Variants in ITGA9 observed in about 807,000 individuals in gnomAD.
ITGA9 encodes integrin subunit alpha 9.
ITGA9 carries 56 observed loss-of-function variants against 127.8 expected under a neutral mutation model. That is an observed-to-expected ratio of 0.44 (90% CI 0.35 to 0.55). ITGA9 has a LOEUF of 0.55. ITGA9 is among the 20% of genes least tolerant of loss of function. The pLI is 0.00. For synonymous variants in ITGA9, 508 were observed against 514.5 expected (o/e 0.99, Z 0.17); for missense variants, 1,196 against 1,347.1 (o/e 0.89, Z 1.76).
At chr3:37,536,925 C>T (rs1404958969) in intron 14 of ITGA9, among the ~76,000 whole-genome samples, 2 of 152,254 alleles carry the variant, frequency 1.3e-5, no homozygotes, top group Non-Finnish European at 2.9e-5. Flanking sequence ...CAGTGGATCT[C>T]AAAGTGTGGT....
At chr3:37,657,455 T>C (rs1394374107) in intron 17 of ITGA9, among the ~76,000 whole-genome samples, 1 of 152,222 alleles carries the variant, frequency 6.6e-6, no homozygotes, top group Admixed American at 6.5e-5. Context: ...CCATTTCTTC[T>C]AGATTTTCTA....
intron 22 of ITGA9, chr3:37,749,504 A>G (rs558102654): frequency 8.6e-5 from 13 of 150,360 alleles, no homozygotes; most frequent in Non-Finnish European, 1.8e-4. Flanking sequence ...GGCAACCGCT[A>G]ATCTACTTTC....
chr3:37,580,423 C>T (rs1360940905), intron 15 of ITGA9, among the ~76,000 whole-genome samples: 6 of 152,178 alleles, frequency 3.9e-5, no homozygotes, highest in Non-Finnish European at 5.9e-5. Flanking sequence ...GTGAGCCTTA[C>T]TATGTGACTG....
chr3:37,684,031 C>T lies in ITGA9; in HGVS notation c.2067+16C>T, dbSNP rs774927213. On this transcript the variant is annotated intron_variant, in intron 18 of 27. Transcript: ENST00000264741. Reference sequence around the variant, plus strand: ...GTGGCAGAAGGTAAGGAGGGCATCCCTGTAAAAAGAGCAGTTGTTCCATCT... The same window carrying T: ...GTGGCAGAAGGTAAGGAGGGCATCCTTGTAAAAAGAGCAGTTGTTCCATCT... 6.2e-7 allele frequency: 1 copy of T among 1,610,500 alleles called. No homozygotes were observed. The highest frequency in any genetic ancestry group is 8.5e-7 in the Non-Finnish European group (1 of 1,177,716).
At chr3:37,649,256 C>A (rs7620983) in intron 16 of ITGA9, among the ~76,000 whole-genome samples, 8,810 of 151,766 alleles carry the variant, frequency 0.058, 781 homozygotes, top group African/African-American at 0.19. Context: ...AAAAGACTAA[C>A]CTTCCCAATA....
intron 18 of ITGA9, among the ~76,000 whole-genome samples, chr3:37,723,584 A>C (rs1477769959): frequency 6.6e-6 from 1 of 152,022 alleles, no homozygotes; most frequent in Non-Finnish European, 1.5e-5. Flanking sequence ...CTGGTCACAA[A>C]CTCCTGGCCC....
intron 23 of ITGA9, among the ~76,000 whole-genome samples, chr3:37,767,247 A>G (rs970160388): frequency 2.6e-5 from 4 of 152,158 alleles, no homozygotes; most frequent in African/African-American, 9.7e-5. Context: ...ATTATACTCA[A>G]CCTTTCCTCT....
At chr3:37,477,941 A>AT (rs1319635494) in intron 3 of ITGA9, among the ~76,000 whole-genome samples, 1 of 150,804 alleles carries the variant, frequency 6.6e-6, no homozygotes, top group Non-Finnish European at 1.5e-5. Flanking sequence ...CACAGGGTAC[A>AT]TTTTTGCATT....
rs534504870 is a variant in ITGA9, at chr3:37,659,072, G to A, written c.1916+5282G>A. On this transcript the variant is annotated intron_variant, in intron 17 of 27. Coordinates refer to ENST00000264741, the MANE Select transcript of ITGA9 (RefSeq NM_002207.3). ...CTGTTAGTCTGATGGGCTTCCCTTT[G>A]TGGGTAACCCAACCTTTCTCTCTGG... Among the ~76,000 whole-genome samples the A allele has an allele frequency of 1.2e-3, 181 of 152,306 alleles. 1 individual carries two copies. Among genetic ancestry groups the A allele is most frequent in the South Asian group, 3.3e-3 (16 of 4,824 alleles).
At chr3:37,658,900 G>A (rs1480547946) in intron 17 of ITGA9, among the ~76,000 whole-genome samples, 1 of 152,146 alleles carries the variant, frequency 6.6e-6, no homozygotes. Flanking sequence ...AAATCTCAGA[G>A]CATTTGCTTC....
intron 1 of ITGA9, among the ~76,000 whole-genome samples, chr3:37,459,007 G>A (rs1698288996): frequency 6.6e-6 from 1 of 152,090 alleles, no homozygotes; most frequent in Admixed American, 6.5e-5. Flanking sequence ...TTGCCAGAAG[G>A]AGTCCTAGGA....
chr3:37,636,574 C>T (rs1477407361), intron 16 of ITGA9, among the ~76,000 whole-genome samples: 1 of 152,094 alleles, frequency 6.6e-6, no homozygotes, highest in Admixed American at 6.6e-5. Flanking sequence ...TTCTCCCATT[C>T]TGTAGGTTGC....
chr3:37,636,094 A>G (rs200407476), intron 16 of ITGA9, among the ~76,000 whole-genome samples: 27,128 of 151,424 alleles, frequency 0.18, 2,642 homozygotes, highest in East Asian at 0.23. Flanking sequence ...ATAAACATAC[A>G]TGTGCGTGTG....
chr3:37,757,290 A>G (rs1696664278), intron 23 of ITGA9, among the ~76,000 whole-genome samples: 1 of 151,880 alleles, frequency 6.6e-6, no homozygotes, highest in Admixed American at 6.5e-5. Flanking sequence ...AGAAATAAAG[A>G]AGAGCGATGA....
intron 1 of ITGA9, among the ~76,000 whole-genome samples, chr3:37,455,966 C>T (rs1024714875): frequency 6.6e-6 from 1 of 152,178 alleles, no homozygotes; most frequent in Non-Finnish European, 1.5e-5. Flanking sequence ...GCATTTCTCT[C>T]AATTATTTTG....
Position 37,640,946 on chromosome 3 carries a change from G to A in ITGA9, c.1839+11610G>A, listed in dbSNP as rs573471436. Among the ~76,000 whole-genome samples, 293 of 152,318 alleles carry A rather than the reference G, an allele frequency of 1.9e-3. 3 individuals are homozygous for A. Among genetic ancestry groups the A allele is most frequent in the African/African-American group, 6.8e-3 (283 of 41,572 alleles). On this transcript the variant is annotated intron_variant, in intron 16 of 27. Transcript: ENST00000264741. ...CCTGCTGTTCCCTTCCTGGGAAGCC[G>A]GCTTCCTGGTGTTGTGAGGAGAGGA...
intron 18 of ITGA9, among the ~76,000 whole-genome samples, chr3:37,689,354 T>C (rs931898876): frequency 6.6e-6 from 1 of 152,216 alleles, no homozygotes; most frequent in African/African-American, 2.4e-5. Context: ...CTCTCCTAAA[T>C]AAAGCTAACT....
At chr3:37,721,693 C>T (rs1218820813) in intron 18 of ITGA9, among the ~76,000 whole-genome samples, 25 of 152,244 alleles carry the variant, frequency 1.6e-4, no homozygotes. Context: ...GTGTTCGTGG[C>T]CAGCTCCTTC....
At chr3:37,763,296 T>C (rs1044569561) in intron 23 of ITGA9, among the ~76,000 whole-genome samples, 9 of 152,354 alleles carry the variant, frequency 5.9e-5, no homozygotes, top group Admixed American at 5.2e-4. Flanking sequence ...CGGAGACCTT[T>C]ATTCAGAAGT....
Sources: gnomAD v4.1 joint callset for allele counts (sites outside exome capture counted in the v4.1 genomes callset) on GRCh38, gnomAD v4.1.1 for gene constraint, MANE v1.5 for transcripts, NCBI Gene and HGNC (gene_info 2026-07-23, HGNC 2026-07-21) for gene names.